The following FGGY variants were observed in gnomAD, a reference collection of about 807,000 sequenced individuals.
The protein encoded by FGGY is FGGY carbohydrate kinase domain containing.
Under a neutral mutation model 71.3 loss-of-function variants are expected in FGGY, and 72 were observed. That is an observed-to-expected ratio of 1.01 (90% CI 0.84 to 1.23). FGGY has a LOEUF of 1.23. Among genes scored for constraint, FGGY ranks in the 50% most tolerant of loss-of-function variants. The pLI is 0.00. For missense variants in FGGY, 668 were observed against 682.3 expected (o/e 0.98, Z 0.23); for synonymous variants, 251 against 250.3 (o/e 1.00, Z -0.02).
At chr1:59,429,152 T>C (rs924573985) in intron 5 of FGGY, among the ~76,000 whole-genome samples, 2 of 152,056 alleles carry the variant, frequency 1.3e-5, no homozygotes, top group African/African-American at 4.8e-5. Flanking sequence ...ATGTAAAAGA[T>C]TAAAGAGAAG....
rs10590302 is a variant in FGGY, at chr1:59,694,287, TTAAATAAATAAA to T, written c.1512+20191_1512+20202del. ...CTGGGCGACAAAGCAAGACTCCGTCTTAAATAAATAAATAAATAAATAAATAAATAAATAAAT... is the reference window on the plus strand; with the variant it reads ...CTGGGCGACAAAGCAAGACTCCGTCTTAAATAAATAAATAAATAAATAAAT... On this transcript the variant is annotated intron_variant, in intron 14 of 15. Transcript: ENST00000303721. 8.8e-3 allele frequency among the ~76,000 whole-genome samples: 1,271 copies of T among 143,808 alleles called. 16 individuals are homozygous for T. Among genetic ancestry groups the T allele is most frequent in the African/African-American group, 0.027 (1,065 of 39,192 alleles). The allele number at this position is 143,808 out of a possible 152,430, so 94.3% of individuals were successfully genotyped here. A position where few individuals can be genotyped will look rare whatever the true frequency, so the allele number is the denominator to read the frequency against.
At chr1:59,304,182 G>A (rs115594917) in intron 1 of FGGY, among the ~76,000 whole-genome samples, 1,917 of 152,120 alleles carry the variant, frequency 0.013, 42 homozygotes, top group African/African-American at 0.044. Flanking sequence ...GTTTTTTGTC[G>A]TTTTCTTCTA....
intron 8 of FGGY, among the ~76,000 whole-genome samples, chr1:59,586,514 G>A (rs985577256): frequency 1.3e-4 from 20 of 152,064 alleles, no homozygotes; most frequent in South Asian, 2.1e-4. Context: ...TGGTGGGGTC[G>A]GGGGAGTGGG....
rs562936205 is a variant in FGGY, at chr1:59,512,399, G to C, written c.759G>C (p.Ala253=). Residue 253 remains alanine (A), a synonymous_variant, in exon 7 of 16, where the codon GCG becomes GCC. Coordinates refer to ENST00000303721, the MANE Select transcript of FGGY (RefSeq NM_018291.5). ...ACCTTGGCCTTCTCCCTGGGATTGC[G>C]GTCGCAGCTTCACTCATTGATGCCC... ...ARDLGLLPGI[A]VAASLIDAHA... is the part of the protein sequence containing the mutation. 1.2e-6 allele frequency: 2 copies of C among 1,613,852 alleles called. No homozygotes were observed.
At chr1:59,418,125 T>C (rs1005539359) in intron 5 of FGGY, among the ~76,000 whole-genome samples, 1 of 152,076 alleles carries the variant, frequency 6.6e-6, no homozygotes, top group Non-Finnish European at 1.5e-5. Flanking sequence ...AAAAGGAGGT[T>C]ATGCAGACTC....
At chr1:59,311,356 G>T (rs1316271939) in intron 1 of FGGY, among the ~76,000 whole-genome samples, 1 of 151,480 alleles carries the variant, frequency 6.6e-6, no homozygotes, top group African/African-American at 2.4e-5. Context: ...GTGATTTACT[G>T]CACCTATTGA....
intron 2 of FGGY, among the ~76,000 whole-genome samples, chr1:59,337,218 A>G (rs1097240): frequency 0.02 from 3,087 of 152,144 alleles, 105 homozygotes; most frequent in African/African-American, 0.07. Context: ...GCAGTCCTGA[A>G]TAAGTCTGAG....
At chr1:59,727,338 C>T (rs541280439) in intron 14 of FGGY, among the ~76,000 whole-genome samples, 1 of 152,262 alleles carries the variant, frequency 6.6e-6, no homozygotes, top group Admixed American at 6.5e-5. Context: ...TTATGAATAG[C>T]ATGGCAATGA....
At chr1:59,546,534 TG>T (rs1166631879) in intron 7 of FGGY, among the ~76,000 whole-genome samples, 2,957 of 138,938 alleles carry the variant, frequency 0.021, 53 homozygotes, top group African/African-American at 0.048. Context: ...ATGATGATGA[TG>T]ATTATTATTA....
intron 6 of FGGY, chr1:59,474,243 T>C (rs1373009997): frequency 6.6e-6 from 1 of 152,244 alleles, no homozygotes; most frequent in East Asian, 1.9e-4. Flanking sequence ...ATGTTCCTCC[T>C]TTCAATACGG....
At chr1:59,611,154 G>T (rs2096673348) in intron 9 of FGGY, among the ~76,000 whole-genome samples, 1 of 152,202 alleles carries the variant, frequency 6.6e-6, no homozygotes, top group South Asian at 2.1e-4. Context: ...TGACAGCTTT[G>T]AAGAGAGAAG....
At chr1:59,569,519 C>A (rs2095942378) in intron 8 of FGGY, among the ~76,000 whole-genome samples, 2 of 152,166 alleles carry the variant, frequency 1.3e-5, no homozygotes, top group Non-Finnish European at 2.9e-5. Flanking sequence ...TTGAGCTCTG[C>A]TTTTGTAAAA....
At chr1:59,751,323 C>T (rs1010318550) in intron 14 of FGGY, among the ~76,000 whole-genome samples, 3 of 152,184 alleles carry the variant, frequency 2.0e-5, no homozygotes, top group African/African-American at 7.2e-5. Flanking sequence ...ATGGCAATGG[C>T]AGTGGTAGTC....
chr1:59,418,186 G>A (rs2064800512), intron 5 of FGGY, among the ~76,000 whole-genome samples: 1 of 152,172 alleles, frequency 6.6e-6, no homozygotes, highest in African/African-American at 2.4e-5. Context: ...AAGAACTGGG[G>A]CAGGGGTTGA....
At chr1:59,393,201 G>A (rs2060906125) in intron 5 of FGGY, 1 of 152,112 alleles carries the variant, frequency 6.6e-6, no homozygotes, top group African/African-American at 2.4e-5. Context: ...ATATTGAGCT[G>A]GAGATAGTTT....
At chr1:59,678,359 A>G (rs1352688957) in intron 14 of FGGY, among the ~76,000 whole-genome samples, 1 of 152,190 alleles carries the variant, frequency 6.6e-6, no homozygotes, top group Non-Finnish European at 1.5e-5. Flanking sequence ...AATTCTGAAT[A>G]TCTTGGAAAA....
At chr1:59,646,296 A>G (rs1408811085) in intron 11 of FGGY, among the ~76,000 whole-genome samples, 2 of 152,092 alleles carry the variant, frequency 1.3e-5, no homozygotes, top group Non-Finnish European at 2.9e-5. Context: ...TTTTGCTGTT[A>G]TTTAACACTG....
chr1:59,627,568 A>G (rs1181193999), intron 10 of FGGY, among the ~76,000 whole-genome samples: 2 of 151,040 alleles, frequency 1.3e-5, no homozygotes, highest in Admixed American at 6.6e-5. Flanking sequence ...ATATACATGC[A>G]TATACTCCCT....
chr1:59,601,122 A>G (rs537750393), intron 8 of FGGY, among the ~76,000 whole-genome samples: 1 of 152,160 alleles, frequency 6.6e-6, no homozygotes, highest in South Asian at 2.1e-4. Flanking sequence ...GGTCCCACAC[A>G]TGCCTGTGGC....
Sources: allele counts gnomAD v4.1 joint callset (sites outside exome capture counted in the v4.1 genomes callset), GRCh38; gene constraint gnomAD v4.1.1; transcripts MANE v1.5; gene names NCBI Gene and HGNC (gene_info 2026-07-23, HGNC 2026-07-21).